Variants in PHTF2 observed in about 807,000 individuals in gnomAD.
PHTF2 encodes putative homeodomain transcription factor 2.
In PHTF2, 60 loss-of-function variants were observed where a neutral mutation model predicts 101.2. The observed-to-expected ratio is 0.59, with a 90% CI of 0.48 to 0.73. The LOEUF is 0.73. PHTF2 is among the 30% of genes least tolerant of loss of function. The pLI is 0.00. For missense variants in PHTF2, 747 were observed against 908.7 expected, an observed-to-expected ratio of 0.82 and a Z score of 2.29; for synonymous variants, 311 against 307.3, an observed-to-expected ratio of 1.01 and a Z score of -0.13.
intron 7 of PHTF2, 124 bp downstream of exon 6, chr7:77,902,044 C>T (rs1801441380): frequency 2.3e-6 from 1 of 434,796 alleles, no homozygotes; most frequent in Non-Finnish European, 4.0e-6. Flanking sequence ...AATAAAGGCA[C>T]ATAATTGATT....
chr7:77,938,719 G>T (rs1407537778), intron 13 of PHTF2, among the ~76,000 whole-genome samples: 1 of 152,248 alleles, frequency 6.6e-6, no homozygotes, highest in Non-Finnish European at 1.5e-5. Context: ...GGAGCTTGCA[G>T]TGAGCCAAGA....
intron 11 of PHTF2, 36 bp from the exon 11 acceptor site, chr7:77,929,073 A>C: frequency 6.8e-7 from 1 of 1,460,024 alleles, no homozygotes; most frequent in Non-Finnish European, 9.6e-7. Flanking sequence ...AAGAGTACAT[A>C]AATTGTATTA....
chr7:77,938,064 C>G (rs1302389723), intron 13 of PHTF2: 1 of 204,210 alleles, frequency 4.9e-6, no homozygotes, highest in Non-Finnish European at 9.7e-6. Context: ...ATAGATGATA[C>G]GGTCTATAAT....
At chr7:77,845,762 C>G (rs972237322) in intron 2 of PHTF2, among the ~76,000 whole-genome samples, 1 of 152,144 alleles carries the variant, frequency 6.6e-6, no homozygotes, top group Admixed American at 6.5e-5. Flanking sequence ...GCTTTCAACT[C>G]CAAAACCATG....
chr7:77,886,496 C>G (rs1356252188), intron 3 of PHTF2, among the ~76,000 whole-genome samples: 1 of 152,134 alleles, frequency 6.6e-6, no homozygotes, highest in Admixed American at 6.5e-5. Context: ...TCCATTTCCC[C>G]CTTTCCCTTT....
At chr7:77,814,873 A>G (rs1793735393) in intron 1 of PHTF2, among the ~76,000 whole-genome samples, 1 of 151,986 alleles carries the variant, frequency 6.6e-6, no homozygotes, top group Non-Finnish European at 1.5e-5. Flanking sequence ...TTGGAAGTTC[A>G]TGACCAGCCT....
chr7:77,845,687 G>T (rs1392048934), intron 2 of PHTF2, among the ~76,000 whole-genome samples: 1 of 152,140 alleles, frequency 6.6e-6, no homozygotes, highest in African/African-American at 2.4e-5. Context: ...TTAAGTATGT[G>T]TAGGGCATTT....
intron 3 of PHTF2, among the ~76,000 whole-genome samples, chr7:77,860,295 A>T (rs1797530457): frequency 6.6e-6 from 1 of 152,216 alleles, no homozygotes; most frequent in Admixed American, 6.5e-5. Flanking sequence ...TTGAAATCAA[A>T]TGTATGAGAA....
chr7:77,928,390 A>G (rs958458773), intron 11 of PHTF2, among the ~76,000 whole-genome samples: 5 of 152,182 alleles, frequency 3.3e-5, no homozygotes, highest in African/African-American at 1.2e-4. Flanking sequence ...TCTCAAGAAC[A>G]TGAGTTGGCA....
At chr7:77,828,212 A>G (rs924969790) in intron 1 of PHTF2, among the ~76,000 whole-genome samples, 5 of 152,250 alleles carry the variant, frequency 3.3e-5, no homozygotes, top group Non-Finnish European at 7.3e-5. Flanking sequence ...AAGTTAAACC[A>G]TTTAAATGGA....
chr7:77,872,007 A>T (rs7787003), intron 3 of PHTF2, among the ~76,000 whole-genome samples: 1 of 152,168 alleles, frequency 6.6e-6, no homozygotes, highest in Non-Finnish European at 1.5e-5. Flanking sequence ...AAAAGGTTCA[A>T]TATAATCAAT....
intron 9 of PHTF2, 87 bp from the exon 9 acceptor site, chr7:77,920,192 G>A (rs529575176): frequency 1.5e-6 from 1 of 662,426 alleles, no homozygotes. Context: ...GCTATCTGAT[G>A]TAATTATTAA....
intron 1 of PHTF2, among the ~76,000 whole-genome samples, chr7:77,832,083 TGATG>T (rs1228932973): frequency 6.6e-6 from 1 of 151,918 alleles, no homozygotes; most frequent in Non-Finnish European, 1.5e-5. Context: ...CACATTTCAG[TGATG>T]CAGAATGGGT....
chr7:77,817,284 T>C (rs1793923296), intron 1 of PHTF2, among the ~76,000 whole-genome samples: 2 of 152,152 alleles, frequency 1.3e-5, no homozygotes, highest in African/African-American at 4.8e-5. Context: ...TGGTATCTCA[T>C]TATGGTTTTG....
chr7:77,945,464 G>A (rs1805970983), intron 16 of PHTF2, among the ~76,000 whole-genome samples: 1 of 147,354 alleles, frequency 6.8e-6, no homozygotes, highest in African/African-American at 2.4e-5. Flanking sequence ...ACTTTCCCAT[G>A]TATTAGGCAA....
chr7:77,898,946 G>A (rs950218135), intron 5 of PHTF2, among the ~76,000 whole-genome samples: 1 of 152,034 alleles, frequency 6.6e-6, no homozygotes, highest in Non-Finnish European at 1.5e-5. Flanking sequence ...GATTACAGGC[G>A]AGTGCCACCA....
At chr7:77,817,949 A>C (rs1311258855) in intron 1 of PHTF2, among the ~76,000 whole-genome samples, 1 of 152,028 alleles carries the variant, frequency 6.6e-6, no homozygotes, top group African/African-American at 2.4e-5. Context: ...CTCTACTAAA[A>C]ATACAAAAAA....
chr7:77,893,540 C>A, intron 3 of PHTF2, 68 bp from the exon 3 acceptor site: 3 of 655,296 alleles, frequency 4.6e-6, no homozygotes, highest in South Asian at 2.0e-5. Flanking sequence ...GCTTGTATTT[C>A]AAGCAGAGTT....
chr7:77,867,912 T>C (rs1798197542), intron 3 of PHTF2, among the ~76,000 whole-genome samples: 1 of 152,214 alleles, frequency 6.6e-6, no homozygotes, highest in Non-Finnish European at 1.5e-5. Context: ...TTAAGGAATT[T>C]ACAAAGTTGG....
Sources: allele counts gnomAD v4.1 joint callset (sites outside exome capture counted in the v4.1 genomes callset), GRCh38; gene constraint gnomAD v4.1.1; transcripts MANE v1.5; gene names NCBI Gene and HGNC (gene_info 2026-07-23, HGNC 2026-07-21).